LRP8: variants seen among roughly 807,000 people sequenced by gnomAD.
The protein encoded by LRP8 is LDL receptor related protein 8, also known as low-density lipoprotein receptor-related protein 8.
Under a neutral mutation model 111.6 loss-of-function variants are expected in LRP8, and 46 were observed. The ratio of observed to expected loss-of-function variants is 0.41; its 90% CI spans 0.33 to 0.53. The LOEUF (loss-of-function observed/expected upper bound fraction) is 0.53. Among genes scored for constraint, LRP8 ranks in the 20% least tolerant of loss-of-function variants. LRP8 has a pLI of 0.20. For missense variants in LRP8, 959 were observed against 1,297.4 expected, an observed-to-expected ratio of 0.74 and a Z score of 4.01; for synonymous variants, 464 against 511.2, an observed-to-expected ratio of 0.91 and a Z score of 1.24.
Position 53,257,471 on chromosome 1 carries a change from G to A in LRP8, c.2210-7C>T, listed in dbSNP as rs755385699. 6.2e-7 allele frequency: 1 copy of A among 1,611,112 alleles called. No individual in the cohort carries two copies. The highest frequency in any genetic ancestry group is 1.1e-5 in the South Asian group (1 of 90,932). On this transcript the variant is annotated splice_polypyrimidine_tract_variant and splice_region_variant and intron_variant, in intron 14 of 18. Transcript: ENST00000306052. ...GTTGAGGTAGATTGAGGTGCTGGAGGGGAAATACCATGGAGGTCACTTGGA... is the reference window on the plus strand; with the variant it reads ...GTTGAGGTAGATTGAGGTGCTGGAGAGGAAATACCATGGAGGTCACTTGGA...
chr1:53,290,767 C>CG (rs1648581429), intron 2 of LRP8, among the ~76,000 whole-genome samples: 1 of 152,110 alleles, frequency 6.6e-6, no homozygotes, highest in African/African-American at 2.4e-5. Flanking sequence ...CTAGCAGGCC[C>CG]GGGGGAGAGC....
intron 2 of LRP8, among the ~76,000 whole-genome samples, chr1:53,310,735 C>T (rs1288482): frequency 0.45 from 67,684 of 151,636 alleles, 15,748 homozygotes; most frequent in East Asian, 0.69. Flanking sequence ...ATCTTGGAAC[C>T]AATTGTTGTA....
At chr1:53,248,902 A>G (rs996230036) in intron 18 of LRP8, among the ~76,000 whole-genome samples, 1 of 152,234 alleles carries the variant, frequency 6.6e-6, no homozygotes. Flanking sequence ...GGCAGGTAGA[A>G]TGGGGGTTGT....
Position 53,303,734 on chromosome 1 carries a change from A to C in LRP8, c.245-14045T>G, listed in dbSNP as rs1267815983. On this transcript the variant is annotated intron_variant, in intron 2 of 18. Coordinates refer to ENST00000306052, the MANE Select transcript of LRP8 (RefSeq NM_004631.5). This position sits in a 1 kb window ranked among gnomAD's most constrained non-coding sequence, Gnocchi z 4.3. Reference sequence around the variant, plus strand: ...TCTAATCCAGGCACCAGGAGTGGCAAAGGCCTGCCCCTTTCCCCCAACCCC... The same window carrying C: ...TCTAATCCAGGCACCAGGAGTGGCACAGGCCTGCCCCTTTCCCCCAACCCC... Among the ~76,000 whole-genome samples the C allele has an allele frequency of 6.6e-6, 1 of 152,192 alleles. No homozygotes were observed. Among genetic ancestry groups the C allele is most frequent in the African/African-American group, 2.4e-5 (1 of 41,448 alleles).
chr1:53,288,972 T>C (rs928440116), intron 3 of LRP8, among the ~76,000 whole-genome samples: 1 of 152,048 alleles, frequency 6.6e-6, no homozygotes, highest in Non-Finnish European at 1.5e-5. Flanking sequence ...CCTGCCTGCC[T>C]CTGCTACCAC....
At position 53,262,686 on chromosome 1, in the gene LRP8, C is replaced by T. The variant is rs554429954; in HGVS notation, c.1656-122G>A. The T allele has an allele frequency of 5.4e-6, 4 of 746,042 alleles. No individual in the cohort carries two copies. In the Admixed American group the frequency reaches 6.0e-5, roughly 11 times the overall value. The allele number at this position is 746,042 out of a possible 1,614,324, so 46.2% of individuals were successfully genotyped here. ...TTATGTTTAGTAGGGACTGAGAAGA[C>T]CTCTAAAGTTCTTTTGAACCATCAA... On this transcript the variant is annotated intron_variant, in intron 10 of 18. Coordinates refer to ENST00000306052, the MANE Select transcript of LRP8 (RefSeq NM_004631.5). This position sits in a 1 kb window ranked among gnomAD's most constrained non-coding sequence, Gnocchi z 4.8.
intron 4 of LRP8, 35 bp downstream of exon 4, chr1:53,280,552 C>A: frequency 6.2e-7 from 1 of 1,604,612 alleles, no homozygotes. Flanking sequence ...CCTGACCATG[C>A]TTGGCAGACC....
At chr1:53,284,241 G>T (rs191327743) in intron 3 of LRP8, among the ~76,000 whole-genome samples, 1 of 148,318 alleles carries the variant, frequency 6.7e-6, no homozygotes, top group East Asian at 2.1e-4. Context: ...TACATACCCG[G>T]GCCACTTACT....
chr1:53,294,165 T>TG lies in LRP8; in HGVS notation c.245-4477dup, dbSNP rs1306423184. On this transcript the variant is annotated intron_variant, in intron 2 of 18. Transcript: ENST00000306052. The surrounding 1 kb of genome is among the most constrained non-coding windows in gnomAD (Gnocchi z 4.1). ...GTTTCCAGGGATTTATGTCCCCCCA[T>TG]GCCAGTCTGCCCCTTGGACAATGCC... Among the ~76,000 whole-genome samples the TG allele has an allele frequency of 6.6e-6, 1 of 152,172 alleles. No individual in the cohort carries two copies. Among genetic ancestry groups the TG allele is most frequent in the African/African-American group, 2.4e-5 (1 of 41,444 alleles).
intron 2 of LRP8, among the ~76,000 whole-genome samples, chr1:53,324,837 A>G (rs1654943175): frequency 6.6e-6 from 1 of 152,128 alleles, no homozygotes; most frequent in Non-Finnish European, 1.5e-5. Flanking sequence ...TTTCCGCACC[A>G]CACTCCCCAC....
chr1:53,291,039 T>A (rs571332829), intron 2 of LRP8, among the ~76,000 whole-genome samples: 1 of 152,194 alleles, frequency 6.6e-6, no homozygotes, highest in Non-Finnish European at 1.5e-5. Flanking sequence ...AAGAGAGCAC[T>A]GGGCAGGGAG....
At chr1:53,323,779 G>A (rs1357067756) in intron 2 of LRP8, among the ~76,000 whole-genome samples, 2 of 152,222 alleles carry the variant, frequency 1.3e-5, no homozygotes, top group Non-Finnish European at 2.9e-5. Flanking sequence ...GTGACTTTGG[G>A]GGAGTCACTT....
At chr1:53,296,440 C>G (rs1450467529) in intron 2 of LRP8, among the ~76,000 whole-genome samples, 1 of 152,226 alleles carries the variant, frequency 6.6e-6, no homozygotes, top group Admixed American at 6.5e-5. Flanking sequence ...TGGCCTGGCT[C>G]TGGCCCTAAG....
intron 2 of LRP8, among the ~76,000 whole-genome samples, chr1:53,310,753 G>T (rs565195934): frequency 6.6e-6 from 1 of 152,276 alleles, no homozygotes; most frequent in East Asian, 1.9e-4. Context: ...GTATAAAGGA[G>T]TGAGGCCTCC....
chr1:53,257,093 A>G, intron 15 of LRP8, 147 bp downstream of exon 15: 1 of 745,408 alleles, frequency 1.3e-6, no homozygotes, highest in Non-Finnish European at 2.2e-6. Flanking sequence ...GCAGGCTGGT[A>G]CTCTACCTCC....
chr1:53,297,161 A>T (rs899470874), intron 2 of LRP8, among the ~76,000 whole-genome samples: 6 of 152,168 alleles, frequency 3.9e-5, no homozygotes, highest in African/African-American at 1.4e-4. Flanking sequence ...AACAGCTTCC[A>T]CATGGCTCTG....
In LRP8 at chr1:53,246,898, A is replaced by AT; in HGVS notation, c.*119_*120insA. 1 of 805,898 alleles carries AT rather than the reference A, an allele frequency of 1.2e-6. No individual in the cohort carries two copies. The highest frequency in any genetic ancestry group is 1.9e-6 in the Non-Finnish European group (1 of 516,310). The allele number at this position is 805,898 out of a possible 1,614,324, so 49.9% of individuals were successfully genotyped here. On this transcript the variant is annotated 3_prime_UTR_variant, in exon 19 of 19. Transcript: ENST00000306052. The stretch of plus-strand genomic sequence containing the variant: ...GCAACATAAATTTAAAAAAAAAATC[A>AT]CACACACACATACACTCACACAGAC...
Position 53,249,538 on chromosome 1 carries a change from G to T in LRP8, c.2695C>A (p.Arg899Ser). The T allele has an allele frequency of 1.9e-6, 3 of 1,605,568 alleles. No individual in the cohort carries two copies. The highest frequency in any genetic ancestry group is 2.6e-6 in the Non-Finnish European group (3 of 1,175,784). The change falls in exon 18 of 19, where the codon CGC becomes AGC. Residue 899 changes from arginine to serine, a missense_variant. Coordinates refer to ENST00000306052, the MANE Select transcript of LRP8 (RefSeq NM_004631.5). This position sits in a 1 kb window ranked among gnomAD's most constrained non-coding sequence, Gnocchi z 4.1. ...VYPAAISSFD[R>S]PLWAEPCLGE... is the part of the protein sequence containing the mutation. ...AGACAGGGCTCTGCCCACAGTGGGC[G>T]ATCAAAGCTGCTGATTGCCTGACAG...
chr1:53,267,710 G>C (rs557113765), intron 8 of LRP8: 62 of 152,292 alleles, frequency 4.1e-4, no homozygotes, highest in African/African-American at 1.4e-3. Flanking sequence ...TAGATTTAGG[G>C]TTAGATTTTA....
Sources: gnomAD v4.1 joint callset for allele counts (sites outside exome capture counted in the v4.1 genomes callset) on GRCh38, gnomAD v4.1.1 for gene constraint, Gnocchi (gnomAD v3.1) non-coding constraint, MANE v1.5 for transcripts, NCBI Gene and HGNC (gene_info 2026-07-23, HGNC 2026-07-21) for gene names.